The following PRKG1 variants were observed in gnomAD, a reference collection of about 807,000 sequenced individuals.
PRKG1 encodes cGMP-dependent protein kinase 1.
In PRKG1, 35 loss-of-function variants were observed where a neutral mutation model predicts 88.1. The observed-to-expected ratio is 0.40, with a 90% CI of 0.30 to 0.53. The LOEUF is 0.53. PRKG1 is among the 20% of genes least tolerant of loss of function. PRKG1 has a pLI of 0.59. For synonymous variants in PRKG1, 303 were observed against 292.5 expected, an observed-to-expected ratio of 1.04 and a Z score of -0.37; for missense variants, 540 against 839.8, an observed-to-expected ratio of 0.64 and a Z score of 4.41.
At chr10:51,753,167 TG>T (rs1837769317) in intron 3 of PRKG1, among the ~76,000 whole-genome samples, 1 of 152,066 alleles carries the variant, frequency 6.6e-6, no homozygotes, top group African/African-American at 2.4e-5. Flanking sequence ...TTTGGAAAAA[TG>T]GCACTTTTTT....
chr10:52,026,832 G>T (rs756171930), intron 5 of PRKG1, among the ~76,000 whole-genome samples: 1 of 152,088 alleles, frequency 6.6e-6, no homozygotes, highest in African/African-American at 2.4e-5. Flanking sequence ...AAAATTAGCT[G>T]GGCGTGGTGG....
intron 2 of PRKG1, among the ~76,000 whole-genome samples, chr10:51,221,749 A>G (rs1838537771): frequency 6.6e-6 from 1 of 152,142 alleles, no homozygotes; most frequent in Admixed American, 6.5e-5. Flanking sequence ...TAAGATAACA[A>G]TGAAAGGTAG....
chr10:51,231,656 T>C (rs905952016), intron 2 of PRKG1, among the ~76,000 whole-genome samples: 1 of 152,134 alleles, frequency 6.6e-6, no homozygotes, highest in African/African-American at 2.4e-5. Flanking sequence ...CATTTCAAAC[T>C]AGACGTTCTG....
At chr10:51,838,349 A>G (rs1192900844) in intron 4 of PRKG1, among the ~76,000 whole-genome samples, 1 of 152,190 alleles carries the variant, frequency 6.6e-6, no homozygotes, top group Non-Finnish European at 1.5e-5. Context: ...AGATCCAGTT[A>G]TATATGTTCT....
intron 7 of PRKG1, chr10:52,125,948 TG>T (rs1326272440): frequency 6.6e-6 from 1 of 152,126 alleles, no homozygotes; most frequent in Non-Finnish European, 1.5e-5. Context: ...GGCTAATGGT[TG>T]GGGAGCATAT....
At chr10:51,655,383 G>A (rs1246191935) in intron 3 of PRKG1, among the ~76,000 whole-genome samples, 1 of 152,092 alleles carries the variant, frequency 6.6e-6, no homozygotes, top group Non-Finnish European at 1.5e-5. Context: ...TGGATACTTT[G>A]TAAACATTGA....
At chr10:52,195,267 G>A (rs1033978403) in intron 9 of PRKG1, among the ~76,000 whole-genome samples, 4 of 150,900 alleles carry the variant, frequency 2.7e-5, no homozygotes, top group African/African-American at 7.3e-5. Context: ...AATAATATTA[G>A]TTTGTTTAGA....
intron 3 of PRKG1, among the ~76,000 whole-genome samples, chr10:51,553,942 C>T (rs1033320103): frequency 7.5e-5 from 10 of 132,512 alleles, no homozygotes; most frequent in Non-Finnish European, 1.3e-4. Flanking sequence ...GTATTAGATA[C>T]GTGTATATAA....
upstream of PRKG1, among the ~76,000 whole-genome samples, chr10:51,072,970 T>C (rs1843853980): frequency 6.6e-6 from 1 of 152,240 alleles, no homozygotes; most frequent in South Asian, 2.1e-4. Flanking sequence ...CTGTCCACTT[T>C]GTTTTAGTGT....
At chr10:51,642,279 A>G (rs1033219568) in intron 3 of PRKG1, among the ~76,000 whole-genome samples, 2 of 152,094 alleles carry the variant, frequency 1.3e-5, no homozygotes, top group East Asian at 3.9e-4. Context: ...AATCCCAGCT[A>G]CTCAGGGGGC....
chr10:51,057,077 C>G (rs1426211220), intron 1 of PRKG1, among the ~76,000 whole-genome samples: 1 of 152,094 alleles, frequency 6.6e-6, no homozygotes, highest in East Asian at 1.9e-4. Context: ...ATTGAAATAT[C>G]TAAGATATAG....
intron 10 of PRKG1, among the ~76,000 whole-genome samples, 165 bp from the exon 11 acceptor site, chr10:52,271,185 T>C (rs573816197): frequency 4.6e-5 from 7 of 152,094 alleles, no homozygotes; most frequent in Non-Finnish European, 1.0e-4. Context: ...ATGATAGCTG[T>C]GAGCCCTGGA....
At chr10:51,094,013 C>T (rs1242917560) in intron 1 of PRKG1, among the ~76,000 whole-genome samples, 1 of 151,512 alleles carries the variant, frequency 6.6e-6, no homozygotes. Flanking sequence ...TGATCCAGGC[C>T]CCAGGCTTTA....
intron 7 of PRKG1, among the ~76,000 whole-genome samples, chr10:52,072,879 G>T (rs936997577): frequency 6.6e-6 from 1 of 152,144 alleles, no homozygotes; most frequent in African/African-American, 2.4e-5. Context: ...TCCCCTCTTT[G>T]TGATGATGAC....
chr10:51,166,548 C>T (rs1400611924), intron 2 of PRKG1, among the ~76,000 whole-genome samples: 1 of 152,132 alleles, frequency 6.6e-6, no homozygotes, highest in Non-Finnish European at 1.5e-5. Flanking sequence ...TTTTCAGCAT[C>T]ATTTTGCATA....
intron 1 of PRKG1, among the ~76,000 whole-genome samples, chr10:51,110,575 C>T (rs964891169): frequency 1.3e-4 from 19 of 151,928 alleles, no homozygotes; most frequent in African/African-American, 4.3e-4. Context: ...CAGGAGGAAA[C>T]CTTTGAGGGG....
In PRKG1 at chr10:51,434,088, G is replaced by C. The variant is rs557625619; in HGVS notation, c.479-33635G>C. On this transcript the variant is annotated intron_variant, in intron 2 of 17. Coordinates refer to ENST00000373980, the MANE Select transcript of PRKG1 (RefSeq NM_006258.4). ...TGCTTTTCCCCAGTGCATTGCAACT[G>C]TCATTCAGAGCAGGTGTACCTCTTT... Among the ~76,000 whole-genome samples the C allele has an allele frequency of 7.2e-5, 11 of 152,240 alleles. No individual in the cohort carries two copies. The South Asian group carries it at 8.3e-4, about 11-fold the overall frequency.
At chr10:51,569,806 G>A (rs1837699226) in intron 3 of PRKG1, among the ~76,000 whole-genome samples, 1 of 151,896 alleles carries the variant, frequency 6.6e-6, no homozygotes, top group Non-Finnish European at 1.5e-5. Context: ...ATGCCTCCCT[G>A]ATGAGGCTGT....
At chr10:51,201,551 G>A (rs1018286360) in intron 2 of PRKG1, among the ~76,000 whole-genome samples, 3 of 152,188 alleles carry the variant, frequency 2.0e-5, no homozygotes, top group Admixed American at 6.5e-5. Flanking sequence ...ATTAGTAAAT[G>A]CTATGGAATA....
Sources: allele counts gnomAD v4.1 joint callset (sites outside exome capture counted in the v4.1 genomes callset), GRCh38; gene constraint gnomAD v4.1.1; transcripts MANE v1.5; gene names NCBI Gene and HGNC (gene_info 2026-07-23, HGNC 2026-07-21).